The following CREBBP variants were observed in gnomAD, a reference collection of about 807,000 sequenced individuals.
The protein encoded by CREBBP is CREB binding lysine acetyltransferase.
In CREBBP, 19 loss-of-function variants were observed where a neutral mutation model predicts 265.0. The observed-to-expected ratio is 0.07, with a 90% CI of 0.05 to 0.11. The LOEUF is 0.11. CREBBP is among the 10% of genes least tolerant of loss of function. The probability of loss-of-function intolerance (pLI) is 1.00; values close to 1 mark genes in which losing one functional copy is unlikely to be tolerated. For synonymous variants in CREBBP, 1,457 were observed against 1,223.7 expected, an observed-to-expected ratio of 1.19 and a Z score of -3.98; for missense variants, 2,525 against 3,219.0, an observed-to-expected ratio of 0.78 and a Z score of 5.22.
rs1487592582 is a variant in CREBBP at position 3,762,450 on chromosome 16, G to A, written c.3251-3478C>T. On this transcript the variant is annotated intron_variant, in intron 16 of 30. Transcript: ENST00000262367. ...GCAATCTCGGCCCCCAAAGTGCTGG[G>A]ATTACAGGCGTGAGCCACGGTGCCT... 2.7e-5 allele frequency among the ~76,000 whole-genome samples: 4 copies of A among 150,310 alleles called. No individual in the cohort carries two copies. The East Asian group carries it at 7.8e-4, about 29-fold the overall frequency.
intron 5 of CREBBP, among the ~76,000 whole-genome samples, chr16:3,788,192 C>G (rs971230681): frequency 6.6e-6 from 1 of 152,224 alleles, no homozygotes; most frequent in Non-Finnish European, 1.5e-5. Flanking sequence ...CCCCTGGTCT[C>G]TCTCTCAGAG....
At chr16:3,862,646 T>G (rs532339535) in intron 1 of CREBBP, among the ~76,000 whole-genome samples, 14 of 152,166 alleles carry the variant, frequency 9.2e-5, no homozygotes, top group Non-Finnish European at 1.8e-4. Flanking sequence ...GACATTCTAG[T>G]GGGGTTCTTC....
intron 16 of CREBBP, chr16:3,761,469 G>T: frequency 2.0e-6 from 1 of 501,432 alleles, no homozygotes; most frequent in Non-Finnish European, 3.9e-6. Flanking sequence ...TTAAAAGTTG[G>T]AAGGAAAAAC....
chr16:3,831,769 G>A (rs978414076), intron 2 of CREBBP, among the ~76,000 whole-genome samples: 3 of 152,158 alleles, frequency 2.0e-5, no homozygotes, highest in Admixed American at 6.5e-5. Context: ...GGCTGAGGCA[G>A]GCGGATCACT....
intron 3 of CREBBP, among the ~76,000 whole-genome samples, chr16:3,806,261 C>T (rs1252294675): frequency 6.6e-6 from 1 of 152,186 alleles, no homozygotes; most frequent in Non-Finnish European, 1.5e-5. Context: ...AGTCTTCCAG[C>T]CACACCACCC....
intron 19 of CREBBP, among the ~76,000 whole-genome samples, chr16:3,755,192 A>G (rs1481013653): frequency 6.6e-6 from 1 of 152,224 alleles, no homozygotes; most frequent in Admixed American, 6.5e-5. Context: ...ATGACTTTAT[A>G]TGCCATCAAT....
intron 3 of CREBBP, among the ~76,000 whole-genome samples, chr16:3,806,156 C>T (rs1264433557): frequency 6.6e-6 from 1 of 152,122 alleles, no homozygotes; most frequent in Admixed American, 6.5e-5. Context: ...CATCCTAGCA[C>T]ATGGCTTGCC....
At chr16:3,867,503 A>AAGAAAAC (rs1332842009) in intron 1 of CREBBP, among the ~76,000 whole-genome samples, 1 of 152,160 alleles carries the variant, frequency 6.6e-6, no homozygotes. Context: ...AACAAAAAAC[A>AAGAAAAC]AGAAAACTTC....
chr16:3,748,874 G>T (rs773853237), intron 21 of CREBBP, among the ~76,000 whole-genome samples: 6 of 152,166 alleles, frequency 3.9e-5, no homozygotes, highest in African/African-American at 1.4e-4. Flanking sequence ...GGCCGGGCGC[G>T]GTGGCTCACG....
At chr16:3,783,055 A>G in intron 5 of CREBBP, 129 bp from the exon 6 acceptor site, 1 of 1,244,118 alleles carries the variant, frequency 8.0e-7, no homozygotes, top group Non-Finnish European at 1.1e-6. Context: ...ATCATAAAGC[A>G]GTAAACAAGC....
chr16:3,830,089 A>G (rs1439018672), intron 2 of CREBBP, among the ~76,000 whole-genome samples: 1 of 152,210 alleles, frequency 6.6e-6, no homozygotes, highest in Non-Finnish European at 1.5e-5. Context: ...TACAAGAGAC[A>G]TACTTAAGAG....
At chr16:3,823,835 C>T (rs750741373) in intron 2 of CREBBP, among the ~76,000 whole-genome samples, 2 of 152,066 alleles carry the variant, frequency 1.3e-5, no homozygotes, top group South Asian at 2.1e-4. Flanking sequence ...CAGTTCCTAT[C>T]GAGCAGCAGA....
At chr16:3,739,337 A>G in intron 25 of CREBBP, 1 of 547,392 alleles carries the variant, frequency 1.8e-6, no homozygotes, top group East Asian at 3.2e-5. Context: ...TACCTGCGTT[A>G]GGTAAGAGCG....
chr16:3,827,759 T>C (rs2054266158), intron 2 of CREBBP, among the ~76,000 whole-genome samples: 1 of 151,960 alleles, frequency 6.6e-6, no homozygotes, highest in South Asian at 2.1e-4. Flanking sequence ...GATACAACAA[T>C]GGCTGACTAC....
chr16:3,774,021 C>T lies in CREBBP; in HGVS notation c.2284-91G>A, dbSNP rs943930586. ...GCCAGAATGATCCAAGGCTTCACAA[C>T]CCCAGAGGATGGCAAGCACAGGGCT... On this transcript the variant is annotated intron_variant, in intron 12 of 30. Transcript: ENST00000262367. 40 of 1,411,734 alleles carry T rather than the reference C, an allele frequency of 2.8e-5. No homozygotes were observed. In the Middle Eastern group the frequency reaches 1.5e-3, roughly 52 times the overall value. The allele number at this position is 1,411,734 out of a possible 1,614,324, so 87.5% of individuals were successfully genotyped here.
chr16:3,835,128 C>G lies in CREBBP; in HGVS notation c.798+15169G>C, dbSNP rs550183384. Among the ~76,000 whole-genome samples the G allele has an allele frequency of 2.6e-5, 4 of 152,152 alleles. 1 individual carries two copies. The highest frequency in any genetic ancestry group is 9.6e-5 in the African/African-American group (4 of 41,504). On this transcript the variant is annotated intron_variant, in intron 2 of 30. Transcript: ENST00000262367. ...GAGCCGAGACCACGCCACTGCACTC[C>G]GGCCTGGGCAAAAGAGCGAGACTCC...
intron 2 of CREBBP, among the ~76,000 whole-genome samples, chr16:3,815,529 T>TC (rs1382790006): frequency 2.1e-5 from 2 of 94,632 alleles, no homozygotes; most frequent in African/African-American, 8.9e-5. Flanking sequence ...AGACTCCATC[T>TC]CAAAAAAAAA....
At chr16:3,832,984 C>G (rs181591507) in intron 2 of CREBBP, among the ~76,000 whole-genome samples, 56 of 152,220 alleles carry the variant, frequency 3.7e-4, no homozygotes, top group African/African-American at 3.4e-4. Flanking sequence ...ACTCAGCAAA[C>G]TAGAAACAGA....
intron 2 of CREBBP, among the ~76,000 whole-genome samples, chr16:3,815,766 C>T (rs964837293): frequency 4.0e-5 from 6 of 151,738 alleles, no homozygotes; most frequent in South Asian, 2.1e-4. Flanking sequence ...ATGGGGTGTC[C>T]GTCACCTCAA....
Sources: allele counts gnomAD v4.1 joint callset (sites outside exome capture counted in the v4.1 genomes callset), GRCh38; gene constraint gnomAD v4.1.1; transcripts MANE v1.5; gene names NCBI Gene and HGNC (gene_info 2026-07-23, HGNC 2026-07-21).